Variants in ZC3H7A observed in about 807,000 individuals in gnomAD.
ZC3H7A encodes zinc finger CCCH-type containing 7A, also known as zinc finger CCCH domain-containing protein 7A.
ZC3H7A carries 44 observed loss-of-function variants against 125.5 expected under a neutral mutation model. The observed-to-expected ratio is 0.35, with a 90% CI of 0.28 to 0.45. ZC3H7A has a LOEUF of 0.45. Among genes scored for constraint, ZC3H7A ranks in the 20% least tolerant of loss-of-function variants. The probability of loss-of-function intolerance (pLI) is 1.00; values close to 1 mark genes in which losing one functional copy is unlikely to be tolerated. For synonymous variants in ZC3H7A, 399 were observed against 391.2 expected (o/e 1.02, Z -0.23); for missense variants, 977 against 1,170.7 (o/e 0.83, Z 2.41).
At chr16:11,756,715 AC>A (rs2052655482) in intron 20 of ZC3H7A, among the ~76,000 whole-genome samples, 1 of 152,198 alleles carries the variant, frequency 6.6e-6, no homozygotes, top group Non-Finnish European at 1.5e-5. Flanking sequence ...CCTACGTTCC[AC>A]ACTCAGTGTC....
Position 11,767,502 on chromosome 16 carries a change from T to C in ZC3H7A, c.1437A>G (p.Ile479Met). 1 of 1,612,724 alleles carries C rather than the reference T, an allele frequency of 6.2e-7. No homozygotes were observed. Among genetic ancestry groups the C allele is most frequent in the Non-Finnish European group, 8.5e-7 (1 of 1,179,212 alleles). ...TCCATGATTTATCTTCAACATTCTT[T>C]ATCCTACCGATTAAAATATCTTTCT... ...KCKKDILIGR[I>M]KNVEDKSWKK... is the part of the protein sequence containing the mutation. Residue 479 changes from isoleucine (I) to methionine (M), a missense_variant, in exon 13 of 23, where the codon ATA (isoleucine) becomes ATG (methionine). Transcript: ENST00000355758.
At position 11,751,098 on chromosome 16, in the gene ZC3H7A, G is replaced by T; in HGVS notation, c.*219C>A. ...AGTCTGTTCAACAGATGGCAACCGGGTAGCAGTCACTTCACCATCTGATGC... is the reference window on the plus strand; with the variant it reads ...AGTCTGTTCAACAGATGGCAACCGGTTAGCAGTCACTTCACCATCTGATGC... On this transcript the variant is annotated 3_prime_UTR_variant, in exon 23 of 23. Coordinates refer to ENST00000355758, the MANE Select transcript of ZC3H7A (RefSeq NM_014153.4). The T allele has an allele frequency of 4.3e-6, 2 of 463,928 alleles. No homozygotes were observed. The highest frequency in any genetic ancestry group is 3.1e-5 in the South Asian group (1 of 32,258). The allele number at this position is 463,928 out of a possible 1,614,324, so 28.7% of individuals were successfully genotyped here. A position where few individuals can be genotyped will look rare whatever the true frequency, so the allele number is the denominator to read the frequency against.
chr16:11,762,077 T>A (rs1426468718), intron 17 of ZC3H7A, 34 bp from the exon 18 acceptor site: 2 of 1,543,830 alleles, frequency 1.3e-6, no homozygotes, highest in Non-Finnish European at 1.7e-6. Context: ...TTAATTTTTT[T>A]AACAGAAAAC....
intron 1 of ZC3H7A, among the ~76,000 whole-genome samples, chr16:11,789,489 G>A (rs543895975): frequency 6.6e-6 from 1 of 151,912 alleles, no homozygotes; most frequent in Admixed American, 6.5e-5. Context: ...CCTGACCTCA[G>A]GTGATCGGCC....
At position 11,769,113 on chromosome 16, in the gene ZC3H7A, C is replaced by T. The variant is rs1477176267; in HGVS notation, c.1109-18G>A. ...GGACAGATCTAAAATAATAAAAAAA[C>T]TTCAACAGACCTTTTCATTCTGATC... On this transcript the variant is annotated intron_variant, in intron 10 of 22. Transcript: ENST00000355758. 1 of 1,598,342 alleles carries T rather than the reference C, an allele frequency of 6.3e-7. No homozygotes were observed. The highest frequency in any genetic ancestry group is 2.3e-5 in the East Asian group (1 of 44,348).
chr16:11,751,795 G>A (rs1235550553), intron 22 of ZC3H7A, among the ~76,000 whole-genome samples: 6 of 151,778 alleles, frequency 4.0e-5, no homozygotes, highest in African/African-American at 1.5e-4. Flanking sequence ...GGAAAAAAAT[G>A]TCTTCAATAG....
In ZC3H7A at chr16:11,756,288, G is replaced by T. The variant is rs150768651; in HGVS notation, c.2511C>A (p.Asn837Lys). The T allele has an allele frequency of 6.2e-7, 1 of 1,613,942 alleles. No homozygotes were observed. The highest frequency in any genetic ancestry group is 1.3e-5 in the African/African-American group (1 of 74,914). Residue 837 changes from asparagine to lysine, a missense_variant, in exon 21 of 23, where the codon AAC becomes AAA. Asn to Lys is a moderately conservative substitution (Grantham distance 94). Around this residue, in one of 3 missense-constraint regions of ZC3H7A, gnomAD observed 436 missense variants for 603.2 expected, o/e 0.72. Transcript: ENST00000355758. ...TGTGAATTTGTTTTCCATTTTCCTTGTTTGACTGACTGGCTATGTCTTCAC... is the reference window on the plus strand; with the variant it reads ...TGTGAATTTGTTTTCCATTTTCCTTTTTTGACTGACTGGCTATGTCTTCAC... ...EKSEDIASQS[N>K]KENGKQIHMP...
chr16:11,758,563 A>C, intron 19 of ZC3H7A, 24 bp from the exon 20 acceptor site: 1 of 1,571,366 alleles, frequency 6.4e-7, no homozygotes, highest in Non-Finnish European at 8.7e-7. Context: ...TAGGAATATG[A>C]TTAAGACAAA....
chr16:11,770,734 T>C, intron 10 of ZC3H7A, 49 bp downstream of exon 10: 1 of 1,521,988 alleles, frequency 6.6e-7, no homozygotes, highest in East Asian at 2.3e-5. Context: ...AACATTTTCA[T>C]TTTGAGAAAA....
intron 19 of ZC3H7A, among the ~76,000 whole-genome samples, chr16:11,760,397 A>C (rs1007620999): frequency 7.9e-5 from 12 of 152,308 alleles, no homozygotes; most frequent in African/African-American, 2.9e-4. Flanking sequence ...CCCCTCCTAC[A>C]TAACCCATTA....
At position 11,776,870 on chromosome 16, in the gene ZC3H7A, G is replaced by C; in HGVS notation, c.346C>G (p.Leu116Val). 6.2e-7 allele frequency: 1 copy of C among 1,612,658 alleles called. No homozygotes were observed. The highest frequency in any genetic ancestry group is 8.5e-7 in the Non-Finnish European group (1 of 1,179,610). The change falls in exon 5 of 23, where the codon CTC becomes GTC. Residue 116 changes from leucine to valine, a missense_variant. Leu to Val is a conservative substitution (Grantham distance 32). Coordinates refer to ENST00000355758, the MANE Select transcript of ZC3H7A (RefSeq NM_014153.4). Reference sequence around the variant, plus strand: ...TTGCAGTTACTGGCATTTAAACTGAGGACTATATTGCAGTCCTCCAAAACT... The same window carrying C: ...TTGCAGTTACTGGCATTTAAACTGACGACTATATTGCAGTCCTCCAAAACT... Reference protein sequence around the residue: ...DKVLEDCNIVLSLNASNCKAL... With the variant: ...DKVLEDCNIVVSLNASNCKAL...
intron 1 of ZC3H7A, among the ~76,000 whole-genome samples, chr16:11,788,124 T>A (rs756220230): frequency 5.3e-4 from 81 of 152,036 alleles, no homozygotes; most frequent in Admixed American, 9.2e-4. Flanking sequence ...AACCCAACAG[T>A]CTCTTTTCTT....
At chr16:11,757,440 C>T (rs961222322) in intron 20 of ZC3H7A, among the ~76,000 whole-genome samples, 3 of 142,344 alleles carry the variant, frequency 2.1e-5, no homozygotes, top group South Asian at 2.2e-4. Flanking sequence ...CCCGAGATCA[C>T]GCCACTGCAC....
rs2052985730 is a variant in ZC3H7A at position 11,771,694 on chromosome 16, T to A, written c.904-707A>T. Among the ~76,000 whole-genome samples, 3 of 151,604 alleles carry A rather than the reference T, an allele frequency of 2.0e-5. No homozygotes were observed. In the South Asian group the frequency reaches 6.3e-4, roughly 32 times the overall value. On this transcript the variant is annotated intron_variant, in intron 9 of 22. Coordinates refer to ENST00000355758, the MANE Select transcript of ZC3H7A (RefSeq NM_014153.4). ...TTTTGTATTTTTAGTAGAGATGGGG[T>A]TTTGCCATGTTGGCCAGGCTGGTCT...
In ZC3H7A at chr16:11,774,118, TA is replaced by T. The variant is rs1027535724; in HGVS notation, c.903+117del. On this transcript the variant is annotated intron_variant, in intron 9 of 22. Transcript: ENST00000355758. The stretch of plus-strand genomic sequence containing the variant: ...GAAGAAAAAAAGTAACTTTCAAGGT[TA>T]AAAAAACCCCCAAATTCAGCCTATA... 3.7e-5 allele frequency: 38 copies of T among 1,014,458 alleles called. 1 individual carries two copies. The Middle Eastern group carries it at 1.0e-3, about 28-fold the overall frequency. 62.8% of individuals were successfully genotyped at this position (1,014,458 alleles called of 1,614,324 possible).
intron 1 of ZC3H7A, among the ~76,000 whole-genome samples, chr16:11,786,710 T>C (rs556273387): frequency 8.5e-4 from 130 of 152,326 alleles, no homozygotes; most frequent in Middle Eastern, 3.4e-3. Flanking sequence ...TATTTCATGT[T>C]CAGTAGTTTT....
intron 19 of ZC3H7A, among the ~76,000 whole-genome samples, chr16:11,760,122 GAAAAAAAAAAA>G (rs66812605): frequency 4.1e-4 from 34 of 82,550 alleles, no homozygotes; most frequent in African/African-American, 1.7e-3. Flanking sequence ...AAGAAAAAAT[GAAAAAAAAAAA>G]AAAAAAAAAA....
At chr16:11,793,403 G>A (rs944404525) in intron 1 of ZC3H7A, among the ~76,000 whole-genome samples, 22 of 152,020 alleles carry the variant, frequency 1.4e-4, no homozygotes, top group African/African-American at 4.6e-4. Context: ...GCATGGTGGT[G>A]TACACTGTAG....
chr16:11,771,257 A>G (rs890655027), intron 9 of ZC3H7A, among the ~76,000 whole-genome samples: 2 of 151,950 alleles, frequency 1.3e-5, no homozygotes, highest in Non-Finnish European at 2.9e-5. Context: ...GCATGGTGGC[A>G]TGCGCCTGTA....
Sources: gnomAD v4.1 joint callset for allele counts (sites outside exome capture counted in the v4.1 genomes callset) on GRCh38, gnomAD v4.1.1 for gene constraint, gnomAD v4.1.1 regional missense constraint, MANE v1.5 for transcripts, NCBI Gene and HGNC (gene_info 2026-07-23, HGNC 2026-07-21) for gene names.